ZNF224: variants seen among roughly 807,000 people sequenced by gnomAD.
ZNF224 encodes the protein zinc finger protein 224.
In ZNF224, 8 loss-of-function variants were observed where a neutral mutation model predicts 10.5. That is an observed-to-expected ratio of 0.76 (90% CI 0.45 to 1.37). The LOEUF (loss-of-function observed/expected upper bound fraction) is 1.37, where lower values mean the gene tolerates loss of function less well. Among genes scored for constraint, ZNF224 ranks in the 40% most tolerant of loss-of-function variants. The pLI is 0.00. For synonymous variants in ZNF224, 282 were observed against 287.8 expected (o/e 0.98, Z 0.20); for missense variants, 754 against 854.0 (o/e 0.88, Z 1.46).
At position 44,106,844 on chromosome 19, in the gene ZNF224, AGAGAAAC is replaced by A; in HGVS notation, c.685_691del (p.Glu229ArgfsTer106). ...AAACTCATCAGAGAGTCCACACTGG[AGAGAAAC>A]CGTTCAAATGTGTGGAATGTGGGAA... On this transcript the variant is annotated frameshift_variant, in exon 6 of 6. Transcript: ENST00000693561. LOFTEE classifies it low-confidence loss of function (END_TRUNC). 6.2e-7 allele frequency: 1 copy of A among 1,613,438 alleles called. No individual in the cohort carries two copies. Among genetic ancestry groups the A allele is most frequent in the Non-Finnish European group, 8.5e-7 (1 of 1,179,552 alleles).
At chr19:44,097,717 G>A (rs1967467481) in intron 2 of ZNF224, 89 bp from the exon 3 acceptor site, 2 of 737,482 alleles carry the variant, frequency 2.7e-6, no homozygotes, top group African/African-American at 1.8e-5. Context: ...ACAGTCATGT[G>A]CCAATTCACA....
chr19:44,104,366 C>A (rs1032204695), intron 5 of ZNF224, among the ~76,000 whole-genome samples: 1 of 152,180 alleles, frequency 6.6e-6, no homozygotes, highest in Non-Finnish European at 1.5e-5. Context: ...TACAGAAGAT[C>A]GCTCTCACTT....
rs1455554432 is a variant in ZNF224, at chr19:44,107,250, A to G, written c.1090A>G (p.Met364Val). Reference sequence around the variant, plus strand: ...TAGGCGAGATCTTTATACGCATCATATGGTCCACACGGGAGAAAAGCCATA... The same window carrying G: ...TAGGCGAGATCTTTATACGCATCATGTGGTCCACACGGGAGAAAAGCCATA... ...ICRRDLYTHH[M>V]VHTGEKPYNC... is the part of the protein sequence containing the mutation. The change falls in exon 6 of 6, where the codon ATG (methionine) becomes GTG (valine). Residue 364 changes from methionine (M) to valine (V), a missense_variant. Transcript: ENST00000693561. 2.5e-6 allele frequency: 4 copies of G among 1,594,830 alleles called. No individual in the cohort carries two copies. Among genetic ancestry groups the G allele is most frequent in the Non-Finnish European group, 2.6e-6 (3 of 1,170,100 alleles).
Position 44,106,670 on chromosome 19 carries a change from C to T in ZNF224, c.510C>T (p.His170=). ...ACTTTGATTTTCATCAACAATTACA[C>T]TCAGGAGAGAAATCTCATACGTGTG... ...VSHFDFHQQL[H]SGEKSHTCDE... is the part of the protein sequence containing the mutation. The change falls in exon 6 of 6, where the codon CAC becomes CAT. Residue 170 remains histidine, a synonymous_variant. Transcript: ENST00000693561. The T allele has an allele frequency of 6.3e-7, 1 of 1,597,482 alleles. No individual in the cohort carries two copies. Among genetic ancestry groups the T allele is most frequent in the Non-Finnish European group, 8.5e-7 (1 of 1,171,060 alleles).
At position 44,107,445 on chromosome 19, in the gene ZNF224, A is replaced by G. The variant is rs1252464266; in HGVS notation, c.1285A>G (p.Lys429Glu). The change falls in exon 6 of 6, where the codon AAA becomes GAA. Residue 429 changes from lysine to glutamate, a missense_variant. Transcript: ENST00000693561. ...ATCCCATAGTGGAGAAAAACCATAC[A>G]AATGTGTGGAGTGTGGGAAGGGCTA... ...QRSHSGEKPY[K>E]CVECGKGYKR... 6.2e-7 allele frequency: 1 copy of G among 1,608,162 alleles called. No homozygotes were observed. Among genetic ancestry groups the G allele is most frequent in the East Asian group, 2.2e-5 (1 of 44,856 alleles).
rs1967667052 is a variant in ZNF224 at position 44,106,571 on chromosome 19, A to C, written c.411A>C (p.Gly137=). The C allele has an allele frequency of 2.5e-6, 4 of 1,613,448 alleles. No individual in the cohort carries two copies. Among genetic ancestry groups the C allele is most frequent in the Non-Finnish European group, 3.4e-6 (4 of 1,179,660 alleles). ...ATTTCCCCTGCCAGACTGAGGCAGG[A>C]CTATCTGTAATTCACACAAGACAGA... The part of the protein sequence containing the change: ...EGDFPCQTEA[G]LSVIHTRQKS... Residue 137 remains glycine (G), a synonymous_variant, in exon 6 of 6, where the codon GGA becomes GGC. Coordinates refer to ENST00000693561, the MANE Select transcript of ZNF224 (RefSeq NM_001321645.3).
chr19:44,107,210 A>G lies in ZNF224; in HGVS notation c.1050A>G (p.Gly350=), dbSNP rs1967693313. ...AACCATACAAATGTGAGGAGTGTGG[A>G]AAAGGCTTTATTTGTAGGCGAGATC... ...GEKPYKCEEC[G]KGFICRRDLY... Residue 350 remains glycine, a synonymous_variant, in exon 6 of 6, where the codon GGA becomes GGG. Transcript: ENST00000693561. 4 of 1,603,006 alleles carry G rather than the reference A, an allele frequency of 2.5e-6. No homozygotes were observed. The highest frequency in any genetic ancestry group is 3.4e-6 in the Non-Finnish European group (4 of 1,174,424).
chr19:44,098,011 C>A, intron 3 of ZNF224, 123 bp downstream of exon 3: 1 of 993,856 alleles, frequency 1.0e-6, no homozygotes, highest in Non-Finnish European at 1.5e-6. Context: ...TCTTGTGTAC[C>A]ATGTACTTCC....
rs747345318 is a variant in ZNF224, at chr19:44,100,885, C to T, written c.100C>T (p.Arg34Ter). ...LLDLAQRKLY[R>*]DVMLENFRNL... ...GGACCTTGCTCAGAGGAAGCTGTATCGAGATGTGATGCTGGAGAACTTCAG... is the reference window on the plus strand; with the variant it reads ...GGACCTTGCTCAGAGGAAGCTGTATTGAGATGTGATGCTGGAGAACTTCAG... Residue 34 changes from arginine (R) to a stop codon, truncating the protein, a stop_gained, in exon 4 of 6, where the codon CGA (arginine) becomes TGA (stop). Coordinates refer to ENST00000693561, the MANE Select transcript of ZNF224 (RefSeq NM_001321645.3). LOFTEE classifies it high-confidence loss of function. The T allele has an allele frequency of 1.5e-5, 24 of 1,613,966 alleles. No individual in the cohort carries two copies. Among genetic ancestry groups the T allele is most frequent in the South Asian group, 2.2e-5 (2 of 91,080 alleles).
chr19:44,106,213 A>G (rs1207649943), intron 5 of ZNF224, 183 bp from the exon 6 acceptor site: 6 of 626,002 alleles, frequency 9.6e-6, no homozygotes, highest in African/African-American at 1.8e-5. Context: ...AGTATTTTAC[A>G]TATGATACTT....
Position 44,107,618 on chromosome 19 carries a change from TG to T in ZNF224, c.1459del (p.Glu487LysfsTer70). ...LHSGEKPFQC[E>X]ECGKRFTQNS... is the part of the protein sequence containing the mutation. Reference sequence around the variant, plus strand: ...ACAGTGGAGAAAAACCATTCCAATGTGAAGAGTGTGGGAAGAGATTTACTCA... The same window carrying T: ...ACAGTGGAGAAAAACCATTCCAATGTAAGAGTGTGGGAAGAGATTTACTCA... On this transcript the variant is annotated frameshift_variant, in exon 6 of 6. Transcript: ENST00000693561. LOFTEE classifies it low-confidence loss of function (END_TRUNC). 1 of 1,613,996 alleles carries T rather than the reference TG, an allele frequency of 6.2e-7. No individual in the cohort carries two copies.
chr19:44,105,131 G>A (rs546005109), intron 5 of ZNF224, among the ~76,000 whole-genome samples: 14 of 152,258 alleles, frequency 9.2e-5, no homozygotes, highest in Non-Finnish European at 1.5e-4. Context: ...CCCCAAAGGC[G>A]TGGCCAGCTA....
chr19:44,096,706 C>T (rs1430632968), intron 2 of ZNF224, among the ~76,000 whole-genome samples: 11 of 152,168 alleles, frequency 7.2e-5, no homozygotes. Flanking sequence ...CCTGTGTTCA[C>T]AGTCTAATTT....
rs1370049121 is a variant in ZNF224 at position 44,107,816 on chromosome 19, C to T, written c.1656C>T (p.Ala552=). 1 of 1,601,496 alleles carries T rather than the reference C, an allele frequency of 6.2e-7. No homozygotes were observed. The highest frequency in any genetic ancestry group is 1.1e-5 in the South Asian group (1 of 90,382). Residue 552 remains alanine, a synonymous_variant, in exon 6 of 6, where the codon GCC becomes GCT. Coordinates refer to ENST00000693561, the MANE Select transcript of ZNF224 (RefSeq NM_001321645.3). ...AATGTGGGAAGAGTTTTGGCTGGGC[C>T]TCGTGTCTTTTGAAACATCAGAGAC... The part of the protein sequence containing the change: ...CKECGKSFGW[A]SCLLKHQRLH...
intron 5 of ZNF224, among the ~76,000 whole-genome samples, chr19:44,102,225 T>G (rs1967562760): frequency 6.6e-6 from 1 of 152,226 alleles, no homozygotes; most frequent in Non-Finnish European, 1.5e-5. Context: ...TATTCAAGTT[T>G]CTTTTCAGTT....
At chr19:44,101,812 A>C (rs1967553612) in intron 5 of ZNF224, among the ~76,000 whole-genome samples, 1 of 152,110 alleles carries the variant, frequency 6.6e-6, no homozygotes, top group Non-Finnish European at 1.5e-5. Context: ...CCTTTACTTT[A>C]GTTTATCAGT....
rs544316261 is a variant in ZNF224 at position 44,107,693 on chromosome 19, A to T, written c.1533A>T (p.Pro511=). The change falls in exon 6 of 6, where the codon CCA becomes CCT. Residue 511 remains proline (P), a synonymous_variant. Transcript: ENST00000693561. ...SHQRVHTGEK[P]YKCEKCGKGY... The stretch of plus-strand genomic sequence containing the variant: ...AGAGAGTTCACACTGGAGAAAAGCC[A>T]TACAAATGTGAGAAGTGTGGAAAGG... 2 of 1,614,148 alleles carry T rather than the reference A, an allele frequency of 1.2e-6. No homozygotes were observed. The highest frequency in any genetic ancestry group is 1.1e-5 in the South Asian group (1 of 91,080).
rs750540707 is a variant in ZNF224 at position 44,107,630 on chromosome 19, G to A, written c.1470G>A (p.Gly490=). Residue 490 remains glycine, a synonymous_variant, in exon 6 of 6, where the codon GGG becomes GGA. Coordinates refer to ENST00000693561, the MANE Select transcript of ZNF224 (RefSeq NM_001321645.3). ...AACCATTCCAATGTGAAGAGTGTGG[G>A]AAGAGATTTACTCAAAATTCACATC... The part of the protein sequence containing the change: ...GEKPFQCEEC[G]KRFTQNSHLH... The A allele has an allele frequency of 1.2e-6, 2 of 1,613,984 alleles. No individual in the cohort carries two copies. The highest frequency in any genetic ancestry group is 1.7e-6 in the Non-Finnish European group (2 of 1,179,956).
chr19:44,104,442 T>A (rs572579296), intron 5 of ZNF224, among the ~76,000 whole-genome samples: 5 of 152,346 alleles, frequency 3.3e-5, no homozygotes, highest in Admixed American at 3.3e-4. Flanking sequence ...CCTAGAAAGA[T>A]AAGCAGAACT....
Sources: gnomAD v4.1 joint callset for allele counts (sites outside exome capture counted in the v4.1 genomes callset) on GRCh38, gnomAD v4.1.1 for gene constraint, MANE v1.5 for transcripts, NCBI Gene and HGNC (gene_info 2026-07-23, HGNC 2026-07-21) for gene names.